KCNIP4: variants seen among roughly 807,000 people sequenced by gnomAD.
KCNIP4 encodes potassium voltage-gated channel interacting protein 4, also known as Kv channel-interacting protein 4.
A neutral mutation model predicts 34.0 loss-of-function variants in KCNIP4; 12 were observed. The observed-to-expected ratio is 0.35, with a 90% confidence interval of 0.23 to 0.57. KCNIP4 has a LOEUF of 0.57. Among genes scored for constraint, KCNIP4 ranks in the 20% least tolerant of loss-of-function variants. The pLI, the probability that KCNIP4 is intolerant of heterozygous loss-of-function variation, is 0.83. For synonymous variants in KCNIP4, 124 were observed against 102.2 expected, an observed-to-expected ratio of 1.21 and a Z score of -1.29; for missense variants, 238 against 311.7, an observed-to-expected ratio of 0.76 and a Z score of 1.78.
At chr4:21,409,699 G>T (rs1342566303) in intron 1 of KCNIP4, among the ~76,000 whole-genome samples, 1 of 151,926 alleles carries the variant, frequency 6.6e-6, no homozygotes, top group Non-Finnish European at 1.5e-5. Flanking sequence ...AAAATACATC[G>T]TTAGGAAAAA....
At chr4:21,035,852 C>A (rs1339688588) in intron 1 of KCNIP4, among the ~76,000 whole-genome samples, 1 of 152,130 alleles carries the variant, frequency 6.6e-6, no homozygotes, top group African/African-American at 2.4e-5. Flanking sequence ...ATTGATGGAA[C>A]CCCTGTGTCC....
chr4:20,919,593 C>G (rs1729186943), intron 1 of KCNIP4, among the ~76,000 whole-genome samples: 1 of 150,804 alleles, frequency 6.6e-6, no homozygotes, highest in African/African-American at 2.4e-5. Flanking sequence ...GTCCCAGCAA[C>G]TCAGGAGGCT....
intron 1 of KCNIP4, among the ~76,000 whole-genome samples, chr4:20,976,094 C>T (rs751326254): frequency 3.3e-5 from 5 of 152,166 alleles, no homozygotes; most frequent in Non-Finnish European, 7.3e-5. Context: ...TGTCAGACAA[C>T]TTGGCACAGA....
chr4:21,291,770 C>T (rs941042683), intron 1 of KCNIP4, among the ~76,000 whole-genome samples: 7 of 149,390 alleles, frequency 4.7e-5, no homozygotes, highest in Middle Eastern at 3.3e-3. Flanking sequence ...AGGAGAATGG[C>T]GTGAAGCCGG....
At chr4:21,217,357 G>C (rs941910879) in intron 1 of KCNIP4, among the ~76,000 whole-genome samples, 1 of 152,112 alleles carries the variant, frequency 6.6e-6, no homozygotes, top group Middle Eastern at 3.2e-3. Context: ...CTACATGGTC[G>C]TTTTTGATGA....
chr4:21,007,884 G>C (rs1738712377), intron 1 of KCNIP4, among the ~76,000 whole-genome samples: 1 of 152,112 alleles, frequency 6.6e-6, no homozygotes, highest in Admixed American at 6.6e-5. Flanking sequence ...GTAAACTTTA[G>C]TTAAACAAAT....
At chr4:21,048,199 G>T (rs1742601908) in intron 1 of KCNIP4, among the ~76,000 whole-genome samples, 1 of 152,156 alleles carries the variant, frequency 6.6e-6, no homozygotes, top group South Asian at 2.1e-4. Context: ...ACCTCAGTTG[G>T]TTATCATAAT....
intron 1 of KCNIP4, among the ~76,000 whole-genome samples, chr4:20,923,693 A>G (rs890923927): frequency 6.6e-6 from 1 of 152,210 alleles, no homozygotes; most frequent in Non-Finnish European, 1.5e-5. Context: ...TATTTCTACA[A>G]AACAATAAGT....
chr4:21,811,401 C>T (rs1027805249), intron 1 of KCNIP4, among the ~76,000 whole-genome samples: 1 of 152,168 alleles, frequency 6.6e-6, no homozygotes, highest in African/African-American at 2.4e-5. Context: ...AGCCATAGTT[C>T]ATGTCTAAAA....
At chr4:21,056,062 C>T (rs1382942150) in intron 1 of KCNIP4, among the ~76,000 whole-genome samples, 1 of 152,078 alleles carries the variant, frequency 6.6e-6, no homozygotes, top group Non-Finnish European at 1.5e-5. Flanking sequence ...TATGCAGTAT[C>T]TCTGTGTCTT....
chr4:21,814,332 C>G (rs2109276090), intron 1 of KCNIP4, among the ~76,000 whole-genome samples: 1 of 152,208 alleles, frequency 6.6e-6, no homozygotes, highest in African/African-American at 2.4e-5. Flanking sequence ...CCACAATTCC[C>G]ACATGTCATG....
At chr4:21,000,396 A>G (rs1158302731) in intron 1 of KCNIP4, among the ~76,000 whole-genome samples, 1 of 150,892 alleles carries the variant, frequency 6.6e-6, no homozygotes, top group Non-Finnish European at 1.5e-5. Flanking sequence ...TACTAAAAAA[A>G]GAAAAAAAAA....
chr4:21,239,597 T>G (rs1003562778), intron 1 of KCNIP4, among the ~76,000 whole-genome samples: 2 of 152,136 alleles, frequency 1.3e-5, no homozygotes, highest in East Asian at 3.9e-4. Flanking sequence ...AAGAAGACAT[T>G]TATGCAGCCA....
chr4:21,245,731 G>A (rs1292029183), intron 1 of KCNIP4, among the ~76,000 whole-genome samples: 1 of 152,064 alleles, frequency 6.6e-6, no homozygotes, highest in Admixed American at 6.6e-5. Flanking sequence ...GGGGAAGCAC[G>A]TGGCAGACAG....
At chr4:21,222,159 T>TA (rs1261990200) in intron 1 of KCNIP4, among the ~76,000 whole-genome samples, 1 of 152,116 alleles carries the variant, frequency 6.6e-6, no homozygotes, top group Admixed American at 6.6e-5. Context: ...AAATTTGAAA[T>TA]AAAAAATAGG....
chr4:21,108,635 T>G (rs985810206), intron 1 of KCNIP4, among the ~76,000 whole-genome samples: 2 of 151,802 alleles, frequency 1.3e-5, no homozygotes, highest in Non-Finnish European at 2.9e-5. Context: ...GTTCCATTGC[T>G]GGTGAGGAAC....
At chr4:20,978,976 G>T (rs1296490563) in intron 1 of KCNIP4, among the ~76,000 whole-genome samples, 1 of 152,130 alleles carries the variant, frequency 6.6e-6, no homozygotes, top group African/African-American at 2.4e-5. Flanking sequence ...GTTAGATAAT[G>T]AATATATGAC....
chr4:21,080,728 A>G (rs1745931941), intron 1 of KCNIP4, among the ~76,000 whole-genome samples: 1 of 151,832 alleles, frequency 6.6e-6, no homozygotes, highest in Admixed American at 6.6e-5. Flanking sequence ...TACTTTATTT[A>G]TTCTAATTTT....
intron 2 of KCNIP4, among the ~76,000 whole-genome samples, chr4:20,879,891 T>C (rs1023148832): frequency 1.3e-5 from 2 of 152,188 alleles, no homozygotes; most frequent in Non-Finnish European, 2.9e-5. Context: ...TTTAAAAGCA[T>C]AGATAGATAT....
Sources: allele counts gnomAD v4.1 joint callset (sites outside exome capture counted in the v4.1 genomes callset), GRCh38; gene constraint gnomAD v4.1.1; transcripts MANE v1.5; gene names NCBI Gene and HGNC (gene_info 2026-07-23, HGNC 2026-07-21).